ABCA1: variants seen among roughly 807,000 people sequenced by gnomAD.
ABCA1 encodes ATP binding cassette subfamily A member 1.
ABCA1 carries 133 observed loss-of-function variants against 262.5 expected under a neutral mutation model. The observed-to-expected ratio is 0.51, with a 90% CI of 0.44 to 0.59. The LOEUF is 0.59. Among genes scored for constraint, ABCA1 ranks in the 20% least tolerant of loss-of-function variants. The pLI, the probability that ABCA1 is intolerant of heterozygous loss-of-function variation, is 0.00. For missense variants in ABCA1, 2,452 were observed against 2,777.5 expected, an observed-to-expected ratio of 0.88 and a Z score of 2.63; for synonymous variants, 1,022 against 1,043.5, an observed-to-expected ratio of 0.98 and a Z score of 0.40.
At position 104,808,315 on chromosome 9, in the gene ABCA1, A is replaced by C. The variant is rs577572314; in HGVS notation, c.4274+1151T>G. 5.3e-5 allele frequency among the ~76,000 whole-genome samples: 8 copies of C among 152,202 alleles called. No homozygotes were observed. The East Asian group carries it at 1.2e-3, about 22-fold the overall frequency. ...GTTCTGGCTCCTACAGAGCCTTCCT[A>C]AGCTAGCATCAATCCATGAGTTCAT... On this transcript the variant is annotated intron_variant, in intron 30 of 49. Coordinates refer to ENST00000374736, the MANE Select transcript of ABCA1 (RefSeq NM_005502.4).
At chr9:104,880,128 T>A (rs959618396) in intron 5 of ABCA1, among the ~76,000 whole-genome samples, 3 of 151,812 alleles carry the variant, frequency 2.0e-5, no homozygotes, top group Admixed American at 2.0e-4. Flanking sequence ...GGAAGGTGGG[T>A]GTGTGGTAAA....
chr9:104,864,604 AC>A (rs1836921557), intron 5 of ABCA1, among the ~76,000 whole-genome samples: 1 of 151,982 alleles, frequency 6.6e-6, no homozygotes, highest in Non-Finnish European at 1.5e-5. Flanking sequence ...CCTCTGTGAA[AC>A]CTCAACAGAA....
intron 1 of ABCA1, among the ~76,000 whole-genome samples, chr9:104,904,296 G>A (rs947690203): frequency 5.3e-5 from 8 of 152,182 alleles, no homozygotes; most frequent in African/African-American, 9.6e-5. Flanking sequence ...TCGGCCAGGC[G>A]TGGTGGCTCA....
intron 7 of ABCA1, chr9:104,856,200 G>A: frequency 7.1e-7 from 1 of 1,417,976 alleles, no homozygotes; most frequent in African/African-American, 1.4e-5. Context: ...AATTCAATAA[G>A]TAAGAGTCAC....
chr9:104,875,040 G>A (rs1453215673), intron 5 of ABCA1, among the ~76,000 whole-genome samples: 2 of 151,834 alleles, frequency 1.3e-5, no homozygotes, highest in East Asian at 1.9e-4. Flanking sequence ...CAGTTTTGTC[G>A]AATAGAAAAG....
rs1836426703 is a variant in ABCA1, at chr9:104,861,861, G to A, written c.422-61C>T. On this transcript the variant is annotated intron_variant, in intron 5 of 49. Coordinates refer to ENST00000374736, the MANE Select transcript of ABCA1 (RefSeq NM_005502.4). ...GTAACTCAAAAAAAAAAAAAAAGTG[G>A]GCACAATGGGACAGTGGAGAAACGT... is the stretch of plus-strand genomic sequence containing the variant. 6 of 1,359,930 alleles carry A rather than the reference G, an allele frequency of 4.4e-6. No individual in the cohort carries two copies. The Admixed American group carries it at 5.3e-5, about 12-fold the overall frequency. 84.2% of individuals were successfully genotyped at this position (1,359,930 alleles called of 1,614,324 possible).
chr9:104,830,870 C>T, intron 14 of ABCA1, 55 bp downstream of exon 14: 1 of 1,589,774 alleles, frequency 6.3e-7, no homozygotes, highest in Non-Finnish European at 8.6e-7. Flanking sequence ...CATATATACA[C>T]CCCCATCTGG....
chr9:104,898,549 A>AAAAT (rs60925856), intron 2 of ABCA1, among the ~76,000 whole-genome samples: 7,852 of 143,090 alleles, frequency 0.055, 281 homozygotes, highest in Middle Eastern at 0.088. Flanking sequence ...TCCGTCTTGA[A>AAAAT]AAATAAATAA....
chr9:104,791,036 G>A lies in ABCA1; in HGVS notation c.5821-8C>T. 1 of 1,607,734 alleles carries A rather than the reference G, an allele frequency of 6.2e-7. No individual in the cohort carries two copies. Among genetic ancestry groups the A allele is most frequent in the Non-Finnish European group, 8.5e-7 (1 of 1,174,482 alleles). ...TCCCAGGAGCCCAAAGCACTGAAAA[G>A]GAAAGATTAAGTTGTATAAGCAAAC... is the stretch of plus-strand genomic sequence containing the variant. On this transcript the variant is annotated splice_region_variant and splice_polypyrimidine_tract_variant and intron_variant, in intron 43 of 49. Coordinates refer to ENST00000374736, the MANE Select transcript of ABCA1 (RefSeq NM_005502.4).
chr9:104,850,167 G>A (rs1212103943), intron 7 of ABCA1, among the ~76,000 whole-genome samples: 3 of 151,974 alleles, frequency 2.0e-5, no homozygotes, highest in African/African-American at 7.3e-5. Flanking sequence ...TGTCACCCAG[G>A]CTAGAGTGCA....
Position 104,840,157 on chromosome 9 carries a change from G to A in ABCA1, c.1054+122C>T, listed in dbSNP as rs188973683. ...TCTCCTCTAGGAAGAGCTCAGTCTG[G>A]TGGGCAAATGGGCATGTAGACATCT... On this transcript the variant is annotated intron_variant, in intron 9 of 49. Transcript: ENST00000374736. 4.2e-5 allele frequency: 64 copies of A among 1,539,152 alleles called. No individual in the cohort carries two copies. In the African/African-American group the frequency reaches 4.5e-4, roughly 11 times the overall value.
intron 29 of ABCA1, among the ~76,000 whole-genome samples, chr9:104,809,877 C>T (rs1454973196): frequency 6.6e-6 from 1 of 151,812 alleles, no homozygotes; most frequent in Non-Finnish European, 1.5e-5. Context: ...AGAAAATCAA[C>T]TCATTAAGTA....
chr9:104,840,780 G>A (rs1469828507), intron 8 of ABCA1, among the ~76,000 whole-genome samples: 1 of 152,138 alleles, frequency 6.6e-6, no homozygotes, highest in Admixed American at 6.5e-5. Context: ...AGACCCCTCT[G>A]CCGACCTGCA....
chr9:104,820,128 C>T (rs961458999), intron 20 of ABCA1, 59 bp from the exon 21 acceptor site: 8 of 1,606,160 alleles, frequency 5.0e-6, no homozygotes, highest in Non-Finnish European at 6.8e-6. Context: ...AATACAGTGT[C>T]CCCTGGCCCA....
At chr9:104,825,279 A>G (rs1832721234) in intron 17 of ABCA1, among the ~76,000 whole-genome samples, 1 of 152,218 alleles carries the variant, frequency 6.6e-6, no homozygotes, top group Admixed American at 6.5e-5. Context: ...GCCTGGGCTT[A>G]TTGACCCAGT....
chr9:104,791,818 G>A, intron 43 of ABCA1, 118 bp downstream of exon 43: 2 of 931,396 alleles, frequency 2.1e-6, no homozygotes, highest in Admixed American at 2.0e-5. Flanking sequence ...CTCCATCCTG[G>A]CATAAATACA....
In ABCA1 at chr9:104,790,979, T is replaced by G. The variant is rs759114091; in HGVS notation, c.5870A>C (p.Lys1957Thr). The change falls in exon 44 of 50, where the codon AAG (lysine) becomes ACG (threonine). Residue 1957 changes from lysine to threonine, a missense_variant. By Grantham distance (78) the Lys-to-Thr change is moderately conservative. Coordinates refer to ENST00000374736, the MANE Select transcript of ABCA1 (RefSeq NM_005502.4). ...VNGAGKSSTF[K>T]MLTGDTTVTR... ...AACAGTGGTATCTCCTGTTAACATC[T>G]TGAAAGTTGATGATTTTCCAGCCCC... The G allele has an allele frequency of 3.1e-6, 5 of 1,613,762 alleles. No homozygotes were observed. Among genetic ancestry groups the G allele is most frequent in the Non-Finnish European group, 4.2e-6 (5 of 1,179,884 alleles).
chr9:104,803,090 T>C (rs1425368518), intron 33 of ABCA1, among the ~76,000 whole-genome samples, 194 bp downstream of exon 33: 3 of 152,168 alleles, frequency 2.0e-5, no homozygotes, highest in Middle Eastern at 3.2e-3. Context: ...AGAAACTCTA[T>C]AAAGCAGGCC....
At chr9:104,820,239 T>C (rs923700637) in intron 20 of ABCA1, among the ~76,000 whole-genome samples, 170 bp from the exon 21 acceptor site, 8 of 152,192 alleles carry the variant, frequency 5.3e-5, no homozygotes, top group Non-Finnish European at 1.0e-4. Flanking sequence ...AGAACAACAG[T>C]GAGCAACCAC....
Sources: allele counts gnomAD v4.1 joint callset (sites outside exome capture counted in the v4.1 genomes callset), GRCh38; gene constraint gnomAD v4.1.1; transcripts MANE v1.5; gene names NCBI Gene and HGNC (gene_info 2026-07-23, HGNC 2026-07-21).